PTBP1: variants seen among roughly 807,000 people sequenced by gnomAD.
The protein encoded by PTBP1 is polypyrimidine tract binding protein 1, also known as polypyrimidine tract-binding protein 1.
PTBP1 carries 8 observed loss-of-function variants against 59.8 expected under a neutral mutation model. The observed-to-expected ratio is 0.13, with a 90% CI of 0.08 to 0.24. PTBP1 has a LOEUF of 0.24. Among genes scored for constraint, PTBP1 ranks in the 10% least tolerant of loss-of-function variants. The pLI is 1.00. For synonymous variants in PTBP1, 490 were observed against 320.7 expected, an observed-to-expected ratio of 1.53 and a Z score of -5.64; for missense variants, 686 against 767.0, an observed-to-expected ratio of 0.89 and a Z score of 1.25.
At chr19:801,508 C>G (rs1025278498) in intron 2 of PTBP1, among the ~76,000 whole-genome samples, 55 of 152,280 alleles carry the variant, frequency 3.6e-4, no homozygotes, top group African/African-American at 1.3e-3. Context: ...GCCCACCACT[C>G]CAGTCAAAGA....
chr19:809,975 T>G (rs1255308977), intron 13 of PTBP1, among the ~76,000 whole-genome samples: 2 of 152,186 alleles, frequency 1.3e-5, no homozygotes, highest in African/African-American at 4.8e-5. Context: ...TAGTAAGCCC[T>G]TTGATATTTA....
chr19:806,676 C>CA (rs2034595450), intron 10 of PTBP1, 120 bp downstream of exon 10: 1 of 959,242 alleles, frequency 1.0e-6, no homozygotes, highest in East Asian at 3.3e-5. Context: ...TCTGCCCTGG[C>CA]AGCCCCTCTG....
Position 804,201 on chromosome 19 carries a change from A to T in PTBP1, c.281A>T (p.Lys94Ile). ...KVTNLLMLKG[K>I]NQAFIEMNTE... is the part of the protein sequence containing the mutation. ...ACCAACCTCCTGATGCTGAAGGGGAAAAACCAGGTACCTGAGCCGCGTTTC... is the reference window on the plus strand; with the variant it reads ...ACCAACCTCCTGATGCTGAAGGGGATAAACCAGGTACCTGAGCCGCGTTTC... Residue 94 changes from lysine (K) to isoleucine (I), a missense_variant, in exon 4 of 15, where the codon AAA becomes ATA. Coordinates refer to ENST00000356948, the MANE Select transcript of PTBP1 (RefSeq NM_002819.5). 4 of 1,607,162 alleles carry T rather than the reference A, an allele frequency of 2.5e-6. No individual in the cohort carries two copies. The highest frequency in any genetic ancestry group is 3.4e-6 in the Non-Finnish European group (4 of 1,175,246).
rs571277518 is a variant in PTBP1, at chr19:806,458, TCGGCGGCGG to T, written c.1026_1034del (p.Ala347_Ala349del). ...CGCCCTGGCCCCCCTGGCCATCCCC[TCGGCGGCGG>T]CGGCAGCTGCGGCGGCAGGTCGGAT... On this transcript the variant is annotated inframe_deletion, in exon 10 of 15. Transcript: ENST00000356948. The T allele has an allele frequency of 1.3e-5, 20 of 1,598,070 alleles. No individual in the cohort carries two copies. Among genetic ancestry groups the T allele is most frequent in the Non-Finnish European group, 1.7e-5 (20 of 1,172,932 alleles).
intron 1 of PTBP1, 98 bp downstream of exon 1, chr19:797,603 T>A: frequency 1.2e-6 from 1 of 837,722 alleles, no homozygotes; most frequent in Non-Finnish European, 1.6e-6. Context: ...TCGCCCCCTC[T>A]CGGGCGGGAG....
At position 807,875 on chromosome 19, in the gene PTBP1, A is replaced by G; in HGVS notation, c.1126A>G (p.Thr376Ala). Residue 376 changes from threonine to alanine, a missense_variant, in exon 11 of 15, where the codon ACA (threonine) becomes GCA (alanine). Physicochemically the swap from Thr to Ala is moderately conservative, Grantham distance 58. Transcript: ENST00000356948. ...LVSNLNPERV[T>A]PQSLFILFGV... ...TGCTCTGCTGTCTCTAAAGAGAGTC[A>G]CACCCCAAAGCCTCTTTATTCTTTT... 1.2e-6 allele frequency: 2 copies of G among 1,613,656 alleles called. 1 individual carries two copies. The highest frequency in any genetic ancestry group is 1.7e-6 in the Non-Finnish European group (2 of 1,179,650).
At chr19:807,771 C>T (rs2034648833) in intron 10 of PTBP1, 98 bp from the exon 11 acceptor site, 18 of 908,710 alleles carry the variant, frequency 2.0e-5, no homozygotes, top group South Asian at 1.8e-4. Context: ...TGCACGCCTG[C>T]GGGGACTGTC....
At position 804,105 on chromosome 19, in the gene PTBP1, A is replaced by T; in HGVS notation, c.185A>T (p.His62Leu). Residue 62 changes from histidine to leucine, a missense_variant, in exon 4 of 15, where the codon CAC becomes CTC. His to Leu is a moderately conservative substitution (Grantham distance 99). Transcript: ENST00000356948. Reference sequence around the variant, plus strand: ...GCAGGCGTCCCCTCTAGAGTGATCCACATCCGGAAGCTCCCCATCGACGTC... The same window carrying T: ...GCAGGCGTCCCCTCTAGAGTGATCCTCATCCGGAAGCTCCCCATCGACGTC... ...RSAGVPSRVI[H>L]IRKLPIDVTE... is the part of the protein sequence containing the mutation. 1 of 1,613,996 alleles carries T rather than the reference A, an allele frequency of 6.2e-7. No individual in the cohort carries two copies. Among genetic ancestry groups the T allele is most frequent in the Non-Finnish European group, 8.5e-7 (1 of 1,179,948 alleles).
chr19:806,415 C>G lies in PTBP1; in HGVS notation c.978C>G (p.Ser326=). The change falls in exon 10 of 15, where the codon TCC becomes TCG. Residue 326 remains serine (S), a synonymous_variant. Coordinates refer to ENST00000356948, the MANE Select transcript of PTBP1 (RefSeq NM_002819.5). ...CACCTCCTGCTTTTCCAGGCCTTTC[C>G]GTTCCGAACGTCCACGGCGCCCTGG... ...TFAIPQAAGL[S]VPNVHGALAP... The G allele has an allele frequency of 6.2e-7, 1 of 1,602,148 alleles. No homozygotes were observed. The highest frequency in any genetic ancestry group is 8.5e-7 in the Non-Finnish European group (1 of 1,174,826).
At chr19:797,655 G>T (rs898335061) in intron 1 of PTBP1, 150 bp downstream of exon 1, 2 of 418,140 alleles carry the variant, frequency 4.8e-6, no homozygotes, top group African/African-American at 4.3e-5. Flanking sequence ...TGGCGGGCGC[G>T]GGTGCGGGGC....
chr19:805,353 C>A, intron 8 of PTBP1, 139 bp from the exon 9 acceptor site: 1 of 1,151,426 alleles, frequency 8.7e-7, no homozygotes, highest in African/African-American at 1.5e-5. Context: ...GGGACCACGG[C>A]CCCCCCTGGA....
chr19:799,694 G>C (rs2034246045), intron 2 of PTBP1, among the ~76,000 whole-genome samples: 1 of 152,236 alleles, frequency 6.6e-6, no homozygotes, highest in Non-Finnish European at 1.5e-5. Context: ...GGTTCTTGCT[G>C]TCAGCAGCGA....
intron 9 of PTBP1, 59 bp from the exon 10 acceptor site, chr19:806,349 C>G: frequency 6.5e-7 from 1 of 1,531,516 alleles, no homozygotes; most frequent in Non-Finnish European, 8.8e-7. Flanking sequence ...GCGTCGGCCT[C>G]TCCCACTCTG....
intron 1 of PTBP1, among the ~76,000 whole-genome samples, chr19:798,863 G>T (rs79621665): frequency 2.6e-5 from 4 of 152,252 alleles, no homozygotes; most frequent in African/African-American, 9.6e-5. Flanking sequence ...CAGTAACTGA[G>T]GCTGTGTTCT....
chr19:798,084 G>A (rs1417480966), intron 1 of PTBP1, among the ~76,000 whole-genome samples: 14 of 151,574 alleles, frequency 9.2e-5, no homozygotes, highest in Non-Finnish European at 1.5e-5. Context: ...GAGTCTCTGC[G>A]CTCCCCGCCC....
Position 808,724 on chromosome 19 carries a change from A to T in PTBP1, c.1425A>T (p.Ile475=), listed in dbSNP as rs773181415. 6.8e-6 allele frequency: 11 copies of T among 1,612,846 alleles called. No homozygotes were observed. Among genetic ancestry groups the T allele is most frequent in the Non-Finnish European group, 9.3e-6 (11 of 1,179,832 alleles). ...KKPGSKNFQN[I]FPPSATLHLS... Reference sequence around the variant, plus strand: ...CGGGCTCCAAGAACTTCCAGAACATATTCCCGCCCTCGGCCACGCTGCACC... The same window carrying T: ...CGGGCTCCAAGAACTTCCAGAACATTTTCCCGCCCTCGGCCACGCTGCACC... The change falls in exon 13 of 15, where the codon ATA becomes ATT. Residue 475 remains isoleucine, a synonymous_variant. Coordinates refer to ENST00000356948, the MANE Select transcript of PTBP1 (RefSeq NM_002819.5). This position sits in a 1 kb window ranked among gnomAD's most constrained non-coding sequence, Gnocchi z 4.7.
At chr19:805,860 G>A in intron 9 of PTBP1, 2 of 449,774 alleles carry the variant, frequency 4.4e-6, no homozygotes, top group South Asian at 2.3e-5. Context: ...AGGACCGCCA[G>A]TGGTTGGAGG....
rs2034660048 is a variant in PTBP1, at chr19:808,064, A to G, written c.1153+162A>G. On this transcript the variant is annotated intron_variant, in intron 11 of 14. Transcript: ENST00000356948. This position sits in a 1 kb window ranked among gnomAD's most constrained non-coding sequence, Gnocchi z 4.7. The stretch of plus-strand genomic sequence containing the variant: ...GTTTGCGAATTTTATTTGGTCCCGT[A>G]GATACGTACGCATGGTTTATCGCCC... The G allele has an allele frequency of 4.2e-6, 3 of 712,852 alleles. No individual in the cohort carries two copies. The highest frequency in any genetic ancestry group is 7.5e-6 in the Non-Finnish European group (3 of 400,784). The allele number at this position is 712,852 out of a possible 1,614,324, so 44.2% of individuals were successfully genotyped here.
At position 804,070 on chromosome 19, in the gene PTBP1, C is replaced by A; in HGVS notation, c.150C>A (p.Asp50Glu). The A allele has an allele frequency of 6.2e-7, 1 of 1,614,034 alleles. No individual in the cohort carries two copies. Among genetic ancestry groups the A allele is most frequent in the Non-Finnish European group, 8.5e-7 (1 of 1,179,990 alleles). The change falls in exon 4 of 15, where the codon GAC (aspartate) becomes GAA (glutamate). Residue 50 changes from aspartate to glutamate, a missense_variant. Coordinates refer to ENST00000356948, the MANE Select transcript of PTBP1 (RefSeq NM_002819.5). ...NGNDSKKFKG[D>E]SRSAGVPSRV... ...ATGACAGCAAGAAGTTCAAAGGTGA[C>A]AGCCGAAGTGCAGGCGTCCCCTCTA...
Sources: allele counts gnomAD v4.1 joint callset (sites outside exome capture counted in the v4.1 genomes callset), GRCh38; gene constraint gnomAD v4.1.1; non-coding constraint Gnocchi (gnomAD v3.1); transcripts MANE v1.5; gene names NCBI Gene and HGNC (gene_info 2026-07-23, HGNC 2026-07-21).